The following MYO1E variants were observed in gnomAD, a reference collection of about 807,000 sequenced individuals.
MYO1E encodes unconventional myosin-Ie.
Under a neutral mutation model 151.1 loss-of-function variants are expected in MYO1E, and 68 were observed. That is an observed-to-expected ratio of 0.45 (90% confidence interval 0.37 to 0.55). The LOEUF (loss-of-function observed/expected upper bound fraction) is 0.55, where lower values mean the gene tolerates loss of function less well. Among genes scored for constraint, MYO1E ranks in the 20% least tolerant of loss-of-function variants. The pLI is 0.00. For missense variants in MYO1E, 1,363 were observed against 1,389.3 expected, an observed-to-expected ratio of 0.98 and a Z score of 0.30; for synonymous variants, 601 against 501.7, an observed-to-expected ratio of 1.20 and a Z score of -2.64.
chr15:59,335,934 G>A (rs898383655), intron 1 of MYO1E, among the ~76,000 whole-genome samples: 8 of 151,788 alleles, frequency 5.3e-5, no homozygotes, highest in African/African-American at 1.5e-4. Context: ...ATGAGAACCC[G>A]GCTGTGTGCT....
At chr15:59,247,942 C>T (rs1036971082) in intron 4 of MYO1E, among the ~76,000 whole-genome samples, 2 of 150,828 alleles carry the variant, frequency 1.3e-5, no homozygotes, top group African/African-American at 2.4e-5. Context: ...GCCAACAGGG[C>T]GAAACCCCTT....
intron 17 of MYO1E, among the ~76,000 whole-genome samples, chr15:59,193,456 T>C (rs1266077375): frequency 6.6e-6 from 1 of 152,126 alleles, no homozygotes; most frequent in African/African-American, 2.4e-5. Flanking sequence ...CCTCTTAGTC[T>C]GAAAGGAGAA....
At chr15:59,178,314 G>T in intron 19 of MYO1E, 79 bp downstream of exon 19, 1 of 1,540,262 alleles carries the variant, frequency 6.5e-7, no homozygotes. Flanking sequence ...ATGAGAAAAA[G>T]AAGCCAGCTG....
chr15:59,174,018 T>A, intron 20 of MYO1E, 103 bp from the exon 21 acceptor site: 1 of 1,504,454 alleles, frequency 6.6e-7, no homozygotes, highest in Non-Finnish European at 9.2e-7. Flanking sequence ...GATGCAATAT[T>A]TTTAGCGTGA....
intron 19 of MYO1E, among the ~76,000 whole-genome samples, chr15:59,175,086 G>A (rs1182823497): frequency 3.3e-5 from 5 of 152,124 alleles, no homozygotes; most frequent in East Asian, 1.9e-4. Context: ...TACATGAGCC[G>A]CATACTCTGT....
chr15:59,248,055 G>A (rs2080140528), intron 4 of MYO1E, among the ~76,000 whole-genome samples: 1 of 131,492 alleles, frequency 7.6e-6, no homozygotes, highest in South Asian at 2.4e-4. Flanking sequence ...TTGAACCCAG[G>A]AAGCACAGGT....
At chr15:59,333,314 G>T (rs1281667119) in intron 1 of MYO1E, among the ~76,000 whole-genome samples, 1 of 151,868 alleles carries the variant, frequency 6.6e-6, no homozygotes. Context: ...ATCTTGGCTG[G>T]CTGCAGCCTT....
chr15:59,135,585 T>G lies in MYO1E; in HGVS notation c.*1795A>C, dbSNP rs1253536775. On this transcript the variant is annotated 3_prime_UTR_variant, in exon 28 of 28. Transcript: ENST00000288235. Reference sequence around the variant, plus strand: ...TTCCTCTCTGGTCGCAACATGGAACTGAAGTAGCCTTTTAACATTATTCGT... The same window carrying G: ...TTCCTCTCTGGTCGCAACATGGAACGGAAGTAGCCTTTTAACATTATTCGT... 6.6e-6 allele frequency: 1 copy of G among 152,266 alleles called. No individual in the cohort carries two copies. The highest frequency in any genetic ancestry group is 1.5e-5 in the Non-Finnish European group (1 of 68,056). 9.4% of individuals were successfully genotyped at this position (152,266 alleles called of 1,614,324 possible). A position where few individuals can be genotyped will look rare whatever the true frequency, so the allele number is the denominator to read the frequency against.
intron 1 of MYO1E, among the ~76,000 whole-genome samples, chr15:59,311,080 G>A (rs2080548303): frequency 6.6e-6 from 1 of 152,042 alleles, no homozygotes; most frequent in African/African-American, 2.4e-5. Context: ...TGATTCTCAT[G>A]CACAGTAGAC....
intron 15 of MYO1E, among the ~76,000 whole-genome samples, chr15:59,204,439 A>G (rs1390042526): frequency 1.3e-5 from 2 of 152,238 alleles, no homozygotes; most frequent in African/African-American, 4.8e-5. Flanking sequence ...TGACAGCTTA[A>G]CTAATAGAGA....
At chr15:59,235,877 T>C (rs2080059514) in intron 5 of MYO1E, among the ~76,000 whole-genome samples, 1 of 152,196 alleles carries the variant, frequency 6.6e-6, no homozygotes, top group South Asian at 2.1e-4. Context: ...AGGCAAAAAA[T>C]AGTTTTCTAA....
rs1481117261 is a variant in MYO1E, at chr15:59,159,330, C to T, written c.2786-951G>A. Among the ~76,000 whole-genome samples, 3 of 152,236 alleles carry T rather than the reference C, an allele frequency of 2.0e-5. No homozygotes were observed. The highest frequency in any genetic ancestry group is 4.8e-5 in the African/African-American group (2 of 41,466). On this transcript the variant is annotated intron_variant, in intron 24 of 27. Transcript: ENST00000288235. The surrounding 1 kb of genome is among the most constrained non-coding windows in gnomAD (Gnocchi z 4.4). Reference sequence around the variant, plus strand: ...GGGCAATTTCCCCTCGGGGGCCCGCCGCACAAACATAGCCTGCTGGTTATT... The same window carrying T: ...GGGCAATTTCCCCTCGGGGGCCCGCTGCACAAACATAGCCTGCTGGTTATT...
In MYO1E at chr15:59,208,776, G is replaced by T; in HGVS notation, c.1435C>A (p.Gln479Lys). The T allele has an allele frequency of 1.2e-6, 2 of 1,614,186 alleles. No homozygotes were observed. The highest frequency in any genetic ancestry group is 1.7e-6 in the Non-Finnish European group (2 of 1,180,032). ...TMHAVGEGADQTLLQKLQMQI... is the reference protein window; with the variant it reads ...TMHAVGEGADKTLLQKLQMQI... The stretch of plus-strand genomic sequence containing the variant: ...ATCTGAAGTTTCTGGAGCAGCGTCT[G>T]ATCTGCCCCCTCACCCACCGCATGC... Residue 479 changes from glutamine (Q) to lysine (K), a missense_variant, in exon 14 of 28, where the codon CAG becomes AAG. Gln to Lys is a moderately conservative substitution (Grantham distance 53, BLOSUM62 1). Transcript: ENST00000288235.
rs546276969 is a variant in MYO1E at position 59,350,878 on chromosome 15, T to G, written c.3+21620A>C. Reference sequence around the variant, plus strand: ...GTCTTTATTTGTTGTTGTTGTTGTTTGTTTGGTTGGTTGGTTTTTTGTTTT... The same window carrying G: ...GTCTTTATTTGTTGTTGTTGTTGTTGGTTTGGTTGGTTGGTTTTTTGTTTT... On this transcript the variant is annotated intron_variant, in intron 1 of 27. Transcript: ENST00000288235. This position sits in a 1 kb window ranked among gnomAD's most constrained non-coding sequence, Gnocchi z 5.0. 6.6e-6 allele frequency among the ~76,000 whole-genome samples: 1 copy of G among 152,066 alleles called. No individual in the cohort carries two copies. The highest frequency in any genetic ancestry group is 6.5e-5 in the Admixed American group (1 of 15,274).
At chr15:59,322,526 T>C (rs2080633390) in intron 1 of MYO1E, among the ~76,000 whole-genome samples, 1 of 152,200 alleles carries the variant, frequency 6.6e-6, no homozygotes, top group Non-Finnish European at 1.5e-5. Flanking sequence ...CCAGATCATA[T>C]GAGTGTTTAG....
intron 4 of MYO1E, among the ~76,000 whole-genome samples, chr15:59,252,950 A>G (rs1272133868): frequency 6.6e-6 from 1 of 152,214 alleles, no homozygotes; most frequent in Non-Finnish European, 1.5e-5. Context: ...TGTGGATTCT[A>G]CGCAGGAAAT....
At chr15:59,371,151 T>C (rs933971932) in intron 1 of MYO1E, among the ~76,000 whole-genome samples, 2 of 152,228 alleles carry the variant, frequency 1.3e-5, no homozygotes, top group African/African-American at 4.8e-5. Flanking sequence ...TTGAAAGGTT[T>C]CTCGTTGATG....
Position 59,139,725 on chromosome 15 carries a change from ACCT to A in MYO1E, c.3081-1361_3081-1359del, listed in dbSNP as rs369094107. Among the ~76,000 whole-genome samples the A allele has an allele frequency of 4.2e-3, 573 of 136,598 alleles. 5 individuals are homozygous for A. The highest frequency in any genetic ancestry group is 0.014 in the African/African-American group (513 of 36,224). The allele number at this position is 136,598 out of a possible 152,430, so 89.6% of individuals were successfully genotyped here. A position where few individuals can be genotyped will look rare whatever the true frequency, so the allele number is the denominator to read the frequency against. On this transcript the variant is annotated intron_variant, in intron 26 of 27. Coordinates refer to ENST00000288235, the MANE Select transcript of MYO1E (RefSeq NM_004998.4). ...TTATTACTCTGCAGACTTCCCTCCT[ACCT>A]CCTCATTATTACTCCTCAGACTTCC...
chr15:59,372,572 T>C lies in MYO1E; in HGVS notation c.-72A>G. Reference sequence around the variant, plus strand: ...GAACTGGGGCTGGAACGCAGTCTTCTGGGCGAACTTCAAAAGTTGGTTCCC... The same window carrying C: ...GAACTGGGGCTGGAACGCAGTCTTCCGGGCGAACTTCAAAAGTTGGTTCCC... On this transcript the variant is annotated 5_prime_UTR_variant, in exon 1 of 28. Transcript: ENST00000288235. 4 of 1,519,634 alleles carry C rather than the reference T, an allele frequency of 2.6e-6. No homozygotes were observed. The highest frequency in any genetic ancestry group is 2.0e-5 in the Admixed American group (1 of 49,092). 94.1% of individuals were successfully genotyped at this position (1,519,634 alleles called of 1,614,324 possible). A position where few individuals can be genotyped will look rare whatever the true frequency, so the allele number is the denominator to read the frequency against.
Sources: allele counts gnomAD v4.1 joint callset (sites outside exome capture counted in the v4.1 genomes callset), GRCh38; gene constraint gnomAD v4.1.1; non-coding constraint Gnocchi (gnomAD v3.1); transcripts MANE v1.5; gene names NCBI Gene and HGNC (gene_info 2026-07-23, HGNC 2026-07-21).